ALG12: variants seen among roughly 807,000 people sequenced by gnomAD.
ALG12 encodes dol-P-Man:Man(7)GlcNAc(2)-PP-Dol alpha-1,6-mannosyltransferase.
Under a neutral mutation model 46.0 loss-of-function variants are expected in ALG12, and 36 were observed. That is an observed-to-expected ratio of 0.78 (90% CI 0.60 to 1.03). The LOEUF is 1.03. Among genes scored for constraint, ALG12 ranks in the 50% least tolerant of loss-of-function variants. The probability of loss-of-function intolerance (pLI) is 0.00; values close to 1 mark genes in which losing one functional copy is unlikely to be tolerated. For missense variants in ALG12, 599 were observed against 633.5 expected, an observed-to-expected ratio of 0.95 and a Z score of 0.58; for synonymous variants, 326 against 291.6, an observed-to-expected ratio of 1.12 and a Z score of -1.20.
chr22:49,867,826 C>G, the ALG12 span, among the ~76,000 whole-genome samples: 1 of 152,210 alleles, frequency 6.6e-6, no homozygotes, highest in Non-Finnish European at 1.5e-5. Flanking sequence ...ATTTAATTCA[C>G]CTGATGTGCC....
chr22:49,913,334 G>A (rs370515642), intron 3 of ALG12, 51 bp downstream of exon 3: 52 of 1,610,874 alleles, frequency 3.2e-5, no homozygotes, highest in Middle Eastern at 1.6e-4. Context: ...GAGGTCACCC[G>A]ATGACACCAC....
chr22:49,884,100 CA>C, the ALG12 span: 2 of 1,612,926 alleles, frequency 1.2e-6, no homozygotes, highest in Non-Finnish European at 1.7e-6. Context: ...TCAGCAGAGG[CA>C]AAAACGAGAA....
the ALG12 span, among the ~76,000 whole-genome samples, chr22:49,894,007 A>G: frequency 6.6e-6 from 1 of 152,090 alleles, no homozygotes. Context: ...TTACTGAAAA[A>G]ACAAAAAATT....
the ALG12 span, chr22:49,883,732 A>G: frequency 6.2e-7 from 1 of 1,611,270 alleles, no homozygotes; most frequent in Admixed American, 1.7e-5. Flanking sequence ...AAAGTTTAAA[A>G]TAGAAGAGGA....
intron 7 of ALG12, among the ~76,000 whole-genome samples, chr22:49,904,808 C>T (rs940089696): frequency 5.3e-5 from 8 of 152,058 alleles, no homozygotes; most frequent in Non-Finnish European, 8.8e-5. Flanking sequence ...GCCATGATCT[C>T]GGCTCACTGC....
At chr22:49,912,960 C>A (rs1473441148) in intron 3 of ALG12, among the ~76,000 whole-genome samples, 1 of 152,080 alleles carries the variant, frequency 6.6e-6, no homozygotes, top group Non-Finnish European at 1.5e-5. Context: ...GAGAAAGACC[C>A]AGGATTTGCA....
the ALG12 span, chr22:49,883,899 T>A: frequency 2.5e-6 from 4 of 1,604,832 alleles, no homozygotes; most frequent in African/African-American, 1.3e-5. Flanking sequence ...CTGCAGAGAG[T>A]GAGGATGACT....
At chr22:49,875,295 G>A in the ALG12 span, among the ~76,000 whole-genome samples, 1 of 151,570 alleles carries the variant, frequency 6.6e-6, no homozygotes, top group South Asian at 2.1e-4. Context: ...TTTCTCTGTG[G>A]GAAGGTTTTT....
At chr22:49,899,413 G>A (rs535769639), downstream of ALG12, among the ~76,000 whole-genome samples, 3 of 151,968 alleles carry the variant, frequency 2.0e-5, no homozygotes, top group Admixed American at 6.6e-5. Context: ...GGGAGGCGGA[G>A]GTTGCAGTGA....
chr22:49,909,416 C>A, intron 5 of ALG12, 69 bp from the exon 6 acceptor site: 1 of 1,440,958 alleles, frequency 6.9e-7, no homozygotes, highest in East Asian at 2.3e-5. Context: ...CACAATGCAG[C>A]CCCCATCACT....
In ALG12 at chr22:49,901,086, C is replaced by G. The variant is rs919267550; in HGVS notation, c.*2752G>C. On this transcript the variant is annotated 3_prime_UTR_variant, in exon 10 of 10. Transcript: ENST00000330817. ...AGGGTTCCCGCCAGCAAATCTCGTA[C>G]ACTTTGAACACCAGGATAATTAAAG... 1.3e-5 allele frequency: 2 copies of G among 152,248 alleles called. No individual in the cohort carries two copies. Among genetic ancestry groups the G allele is most frequent in the Non-Finnish European group, 2.9e-5 (2 of 68,048 alleles). 9.4% of individuals were successfully genotyped at this position (152,248 alleles called of 1,614,324 possible). A position where few individuals can be genotyped will look rare whatever the true frequency, so the allele number is the denominator to read the frequency against.
chr22:49,913,616 T>C lies in ALG12; in HGVS notation c.150A>G (p.Gln50=), dbSNP rs1775929519. 6.2e-7 allele frequency: 1 copy of C among 1,614,132 alleles called. No homozygotes were observed. Among genetic ancestry groups the C allele is most frequent in the Non-Finnish European group, 8.5e-7 (1 of 1,180,030 alleles). ...AGGGGCCCCTCACCTGCTCCAGGTC[T>C]TGCCAGTGGTAGAGCAGGTCATGTG... ...QATHDLLYHW[Q]DLEQYDHLEF... The change falls in exon 2 of 10, where the codon CAA becomes CAG. Residue 50 remains glutamine, a synonymous_variant. Transcript: ENST00000330817.
chr22:49,893,795 A>G, the ALG12 span, among the ~76,000 whole-genome samples: 1 of 152,182 alleles, frequency 6.6e-6, no homozygotes, highest in Admixed American at 6.5e-5. Context: ...CTTAAGATAC[A>G]TGGACAGTAA....
At chr22:49,888,995 G>C in the ALG12 span, 3 of 167,354 alleles carry the variant, frequency 1.8e-5, no homozygotes, top group East Asian at 1.9e-4. Flanking sequence ...ATTTGGAATG[G>C]TAATATCCTT....
chr22:49,911,488 G>A (rs539354924), intron 3 of ALG12, among the ~76,000 whole-genome samples: 1 of 152,120 alleles, frequency 6.6e-6, no homozygotes, highest in Admixed American at 6.5e-5. Flanking sequence ...AGGCTGGAGT[G>A]CAGTGGCATA....
chr22:49,873,524 A>G, the ALG12 span, among the ~76,000 whole-genome samples: 1 of 152,228 alleles, frequency 6.6e-6, no homozygotes, highest in Non-Finnish European at 1.5e-5. Context: ...ATAATGGAAA[A>G]GTGTGAAATA....
At chr22:49,871,759 T>TTA in the ALG12 span, among the ~76,000 whole-genome samples, 848 of 15,070 alleles carry the variant, frequency 0.056, 22 homozygotes, top group East Asian at 0.15. Context: ...ATTTATTTAT[T>TTA]TTTTTTTTTT....
intron 7 of ALG12, 91 bp downstream of exon 7, chr22:49,907,630 T>A: frequency 7.1e-7 from 1 of 1,417,022 alleles, no homozygotes; most frequent in Non-Finnish European, 9.7e-7. Flanking sequence ...GTTTCAAAAA[T>A]TAAACACACA....
rs1267115363 is a variant in ALG12 at position 49,902,141 on chromosome 22, GGT to G, written c.*1695_*1696del. On this transcript the variant is annotated 3_prime_UTR_variant, in exon 10 of 10. Transcript: ENST00000330817. ...TAATGTGCACGTGTGCACTGTGTGT[GGT>G]GTGTATGCATGGTGTGTGCACGTGT... 7.4e-6 allele frequency: 1 copy of G among 135,348 alleles called. No individual in the cohort carries two copies. Among genetic ancestry groups the G allele is most frequent in the Non-Finnish European group, 1.6e-5 (1 of 64,100 alleles). 8.4% of individuals were successfully genotyped at this position (135,348 alleles called of 1,614,324 possible). A position where few individuals can be genotyped will look rare whatever the true frequency, so the allele number is the denominator to read the frequency against.
Sources: allele counts gnomAD v4.1 joint callset (sites outside exome capture counted in the v4.1 genomes callset), GRCh38; gene constraint gnomAD v4.1.1; transcripts MANE v1.5; gene names NCBI Gene and HGNC (gene_info 2026-07-23, HGNC 2026-07-21).